Variants in TNRC18 observed in about 807,000 individuals in gnomAD.
TNRC18 encodes the protein trinucleotide repeat-containing gene 18 protein.
In TNRC18, 69 loss-of-function variants were observed where a neutral mutation model predicts 226.7. That is an observed-to-expected ratio of 0.30 (90% CI 0.25 to 0.37). The LOEUF (loss-of-function observed/expected upper bound fraction) is 0.37. Ranked by LOEUF, TNRC18 falls within the 10% of genes least tolerant of loss-of-function variation. The pLI is 1.00. For synonymous variants in TNRC18, 2,449 were observed against 1,927.6 expected (o/e 1.27, Z -7.09); for missense variants, 4,754 against 4,256.6 (o/e 1.12, Z -3.25).
rs4395802 is a variant in TNRC18 at position 5,324,496 on chromosome 7, G to A, written c.6301-141C>T. The A allele has an allele frequency of 4.9e-4, 609 of 1,239,382 alleles. No homozygotes were observed. The highest frequency in any genetic ancestry group is 6.0e-4 in the Non-Finnish European group (541 of 899,320). 76.8% of individuals were successfully genotyped at this position (1,239,382 alleles called of 1,614,324 possible). A position where few individuals can be genotyped will look rare whatever the true frequency, so the allele number is the denominator to read the frequency against. Reference sequence around the variant, plus strand: ...GTGCATGGCAGGGATCCCAGTTAGGGGCACCCCAGAGGCCAGGGGGAAGGT... The same window carrying A: ...GTGCATGGCAGGGATCCCAGTTAGGAGCACCCCAGAGGCCAGGGGGAAGGT... On this transcript the variant is annotated intron_variant, in intron 20 of 29. Coordinates refer to ENST00000430969, the MANE Select transcript of TNRC18 (RefSeq NM_001080495.3). The surrounding 1 kb of genome is among the most constrained non-coding windows in gnomAD (Gnocchi z 4.8).
At chr7:5,319,507 C>G (rs971561884) in intron 24 of TNRC18, among the ~76,000 whole-genome samples, 3 of 152,122 alleles carry the variant, frequency 2.0e-5, no homozygotes, top group Non-Finnish European at 4.4e-5. Flanking sequence ...CATCCAGCCT[C>G]CATTCTTTTT....
intron 2 of TNRC18, among the ~76,000 whole-genome samples, chr7:5,403,779 G>A (rs564162100): frequency 1.3e-5 from 2 of 150,954 alleles, no homozygotes; most frequent in African/African-American, 2.4e-5. Context: ...AACAGAGTGA[G>A]ACCCTGTCTG....
Position 5,412,432 on chromosome 7 carries a change from C to T in TNRC18, c.187+8628G>A, listed in dbSNP as rs562869651. On this transcript the variant is annotated intron_variant, in intron 2 of 29. Coordinates refer to ENST00000430969, the MANE Select transcript of TNRC18 (RefSeq NM_001080495.3). Reference sequence around the variant, plus strand: ...CTCTACTAAAAATACAAAATTTAGCCGGGAGTGGTGGCAGGCGTGTGTAAT... The same window carrying T: ...CTCTACTAAAAATACAAAATTTAGCTGGGAGTGGTGGCAGGCGTGTGTAAT... Among the ~76,000 whole-genome samples, 9 of 151,834 alleles carry T rather than the reference C, an allele frequency of 5.9e-5. No homozygotes were observed. The South Asian group carries it at 1.7e-3, about 28-fold the overall frequency.
At chr7:5,359,844 CAT>C (rs1491022348) in intron 14 of TNRC18, among the ~76,000 whole-genome samples, 21 of 149,956 alleles carry the variant, frequency 1.4e-4, no homozygotes, top group Non-Finnish European at 2.1e-4. Context: ...CACACACACA[CAT>C]CTCTGTGCGG....
chr7:5,353,291 C>A (rs1177481886), intron 16 of TNRC18, among the ~76,000 whole-genome samples: 1 of 152,188 alleles, frequency 6.6e-6, no homozygotes. Context: ...AATCCTACCA[C>A]TTTGGGAGGC....
intron 24 of TNRC18, among the ~76,000 whole-genome samples, chr7:5,318,773 G>A (rs755892132): frequency 6.6e-6 from 1 of 152,116 alleles, no homozygotes; most frequent in East Asian, 1.9e-4. Context: ...AATGGTGAGG[G>A]GAACTATTTC....
Position 5,394,132 on chromosome 7 carries a change from T to C in TNRC18, c.343+308A>G, listed in dbSNP as rs1337414206. On this transcript the variant is annotated intron_variant, in intron 3 of 29. Transcript: ENST00000430969. The surrounding 1 kb of genome is among the most constrained non-coding windows in gnomAD (Gnocchi z 4.5). ...GGGTAGTTCATGAATGATGAGATAA[T>C]CTGTCGTCACAAGCAAGTGATGGAA... Among the ~76,000 whole-genome samples the C allele has an allele frequency of 6.6e-6, 1 of 152,004 alleles. No individual in the cohort carries two copies. The highest frequency in any genetic ancestry group is 1.5e-5 in the Non-Finnish European group (1 of 68,016).
chr7:5,399,102 C>T (rs146003175), intron 2 of TNRC18, among the ~76,000 whole-genome samples: 111 of 152,296 alleles, frequency 7.3e-4, no homozygotes, highest in African/African-American at 2.5e-3. Context: ...ACTCCAAGCC[C>T]CCACAGTGCC....
At chr7:5,368,344 T>G (rs1793817513) in intron 11 of TNRC18, among the ~76,000 whole-genome samples, 1 of 151,300 alleles carries the variant, frequency 6.6e-6, no homozygotes. Flanking sequence ...ACCCACAGCT[T>G]TGAAAAATGT....
chr7:5,398,120 C>A (rs1780822846), intron 2 of TNRC18, among the ~76,000 whole-genome samples: 2 of 152,094 alleles, frequency 1.3e-5, no homozygotes, highest in African/African-American at 2.4e-5. Flanking sequence ...CCAGCCTCAG[C>A]CTCTTGGGTA....
intron 14 of TNRC18, among the ~76,000 whole-genome samples, chr7:5,359,978 T>G (rs558663257): frequency 6.6e-6 from 1 of 152,058 alleles, no homozygotes; most frequent in South Asian, 2.1e-4. Flanking sequence ...AGTCTCTCTT[T>G]TCCAGTAAGG....
intron 18 of TNRC18, among the ~76,000 whole-genome samples, chr7:5,337,693 C>G (rs999248341): frequency 3.9e-5 from 6 of 152,088 alleles, no homozygotes; most frequent in African/African-American, 1.4e-4. Flanking sequence ...ATGATTAAAA[C>G]TAAGTTTGTG....
In TNRC18 at chr7:5,374,085, C is replaced by A; in HGVS notation, c.3199G>T (p.Ala1067Ser). The A allele has an allele frequency of 6.3e-7, 1 of 1,581,064 alleles. No individual in the cohort carries two copies. The highest frequency in any genetic ancestry group is 8.6e-7 in the Non-Finnish European group (1 of 1,165,944). Residue 1067 changes from alanine to serine, a missense_variant, in exon 10 of 30, where the codon GCC (alanine) becomes TCC (serine). By Grantham distance (99) the Ala-to-Ser change is moderately conservative. Coordinates refer to ENST00000430969, the MANE Select transcript of TNRC18 (RefSeq NM_001080495.3). ...AACAGGGCCTGGAAGGGGCTGGGGG[C>A]TTCCTTCTCCAACTCCAAGTCTTTC... is the stretch of plus-strand genomic sequence containing the variant. ...EKKDLELEKE[A>S]PSPFQALFSD... is the part of the protein sequence containing the mutation.
chr7:5,388,415 G>A lies in TNRC18; in HGVS notation c.1409C>T (p.Ala470Val), dbSNP rs1478367032. ...VPAKELLKPE[A>V]DPRPCERAPR... ...CGCACGCTCGCAGGGCCTCGGGTCC[G>A]CCTCGGGCTTGAGCAGCTCCTTGGC... Residue 470 changes from alanine (A) to valine (V), a missense_variant, in exon 5 of 30, where the codon GCG (alanine) becomes GTG (valine). Transcript: ENST00000430969. The A allele has an allele frequency of 7.4e-6, 11 of 1,489,524 alleles. No individual in the cohort carries two copies. In the South Asian group the frequency reaches 7.7e-5, roughly 10 times the overall value. The allele number at this position is 1,489,524 out of a possible 1,614,324, so 92.3% of individuals were successfully genotyped here.
chr7:5,360,817 G>A (rs969505929), intron 14 of TNRC18, among the ~76,000 whole-genome samples: 11 of 152,112 alleles, frequency 7.2e-5, no homozygotes, highest in African/African-American at 2.7e-4. Context: ...GGGGCCTTGG[G>A]GCTGTTTTAT....
chr7:5,345,496 T>C (rs1232969631), intron 18 of TNRC18, 66 bp downstream of exon 18: 18 of 1,379,032 alleles, frequency 1.3e-5, no homozygotes, highest in Admixed American at 1.0e-4. Flanking sequence ...TCCTCACCTG[T>C]GGGATGGGGC....
In TNRC18 at chr7:5,345,705, C is replaced by G; in HGVS notation, c.5576G>C (p.Gly1859Ala). Residue 1859 changes from glycine to alanine, a missense_variant, in exon 18 of 30, where the codon GGC (glycine) becomes GCC (alanine). Coordinates refer to ENST00000430969, the MANE Select transcript of TNRC18 (RefSeq NM_001080495.3). ...CAGGCCCAGCCCACTCTCCTCCAGG[C>G]CCGGTGACAGGGCCCGCTCCCGGGC... ...LGARERALSPGLEESGLGLLA... is the reference protein window; with the variant it reads ...LGARERALSPALEESGLGLLA... 1.3e-6 allele frequency: 2 copies of G among 1,549,118 alleles called. No individual in the cohort carries two copies. Among genetic ancestry groups the G allele is most frequent in the Admixed American group, 2.0e-5 (1 of 50,994 alleles).
At chr7:5,363,232 G>A (rs888936171) in intron 11 of TNRC18, among the ~76,000 whole-genome samples, 2 of 152,002 alleles carry the variant, frequency 1.3e-5, no homozygotes, top group Non-Finnish European at 2.9e-5. Flanking sequence ...GAACCCGGGA[G>A]GCAGAGGTTG....
intron 16 of TNRC18, among the ~76,000 whole-genome samples, chr7:5,356,640 A>C (rs1792424855): frequency 6.6e-6 from 1 of 152,110 alleles, no homozygotes; most frequent in East Asian, 1.9e-4. Context: ...GGGCCGGCGG[A>C]GGTCGGCTCC....
Sources: gnomAD v4.1 joint callset for allele counts (sites outside exome capture counted in the v4.1 genomes callset) on GRCh38, gnomAD v4.1.1 for gene constraint, Gnocchi (gnomAD v3.1) non-coding constraint, MANE v1.5 for transcripts, NCBI Gene and HGNC (gene_info 2026-07-23, HGNC 2026-07-21) for gene names.